The following RCOR3 variants were observed in gnomAD, a reference collection of about 807,000 sequenced individuals.
The protein encoded by RCOR3 is REST corepressor 3.
In RCOR3, 13 loss-of-function variants were observed where a neutral mutation model predicts 64.1. That is an observed-to-expected ratio of 0.20 (90% CI 0.13 to 0.32). RCOR3 has a LOEUF of 0.32. Among genes scored for constraint, RCOR3 ranks in the 10% least tolerant of loss-of-function variants. The probability of loss-of-function intolerance (pLI) is 1.00; values close to 1 mark genes in which losing one functional copy is unlikely to be tolerated. For missense variants in RCOR3, 489 were observed against 701.2 expected (o/e 0.70, Z 3.42); for synonymous variants, 215 against 239.0 (o/e 0.90, Z 0.93).
intron 3 of RCOR3, chr1:211,271,675 A>G (rs1223648159): frequency 1.3e-5 from 5 of 382,298 alleles, no homozygotes; most frequent in Non-Finnish European, 2.6e-5. Flanking sequence ...CAAAGAGCCC[A>G]CTATCATTAC....
At chr1:211,260,746 T>TGGGGGAA (rs1694113033) in intron 2 of RCOR3, among the ~76,000 whole-genome samples, 3 of 112,098 alleles carry the variant, frequency 2.7e-5, no homozygotes, top group African/African-American at 1.0e-4. Context: ...GAGAAAGGGG[T>TGGGGGAA]GGGGGAAGGG....
chr1:211,297,786 G>A (rs1362499268), intron 9 of RCOR3, among the ~76,000 whole-genome samples: 1 of 152,096 alleles, frequency 6.6e-6, no homozygotes, highest in Non-Finnish European at 1.5e-5. Flanking sequence ...GGAGAGGAAG[G>A]CAACTTGAAT....
chr1:211,267,941 T>C (rs1254405774), intron 2 of RCOR3: 2 of 314,270 alleles, frequency 6.4e-6, no homozygotes, highest in Non-Finnish European at 6.1e-6. Flanking sequence ...GTTTAATATC[T>C]CTTTGAGAAG....
intron 8 of RCOR3, 69 bp downstream of exon 8, chr1:211,289,465 G>T: frequency 1.1e-5 from 14 of 1,267,914 alleles, no homozygotes; most frequent in Non-Finnish European, 1.6e-5. Context: ...CTTTTACCTA[G>T]GTTGAGCTCA....
At chr1:211,281,301 A>G (rs1697777466) in intron 7 of RCOR3, among the ~76,000 whole-genome samples, 3 of 151,938 alleles carry the variant, frequency 2.0e-5, no homozygotes, top group South Asian at 4.2e-4. Flanking sequence ...TTCTTACTCT[A>G]TTCCTTTTAT....
At chr1:211,285,639 G>C (rs995450549) in intron 7 of RCOR3, among the ~76,000 whole-genome samples, 1 of 152,224 alleles carries the variant, frequency 6.6e-6, no homozygotes, top group South Asian at 2.1e-4. Flanking sequence ...CAAGCCCAGA[G>C]TATGGAATTT....
At chr1:211,307,791 C>T (rs17188951) in intron 10 of RCOR3, among the ~76,000 whole-genome samples, 1,918 of 151,088 alleles carry the variant, frequency 0.013, 23 homozygotes, top group Non-Finnish European at 0.015. Context: ...AAATTTTTTC[C>T]GATTGTATAA....
chr1:211,264,328 T>C (rs1206758087), intron 2 of RCOR3, among the ~76,000 whole-genome samples: 1 of 152,154 alleles, frequency 6.6e-6, no homozygotes, highest in Non-Finnish European at 1.5e-5. Context: ...GAGAGGATTT[T>C]TTACAGAGAC....
intron 9 of RCOR3, among the ~76,000 whole-genome samples, chr1:211,298,782 G>A (rs974279779): frequency 2.0e-5 from 3 of 152,094 alleles, no homozygotes; most frequent in Non-Finnish European, 4.4e-5. Context: ...CGAGGCGGGC[G>A]GATCACGAGG....
intron 2 of RCOR3, among the ~76,000 whole-genome samples, chr1:211,262,423 T>G (rs1215151727): frequency 6.6e-6 from 1 of 152,190 alleles, no homozygotes; most frequent in Admixed American, 6.5e-5. Context: ...TTATGAAGAA[T>G]TATTCTGGAT....
chr1:211,309,414 T>G (rs1701268680), intron 10 of RCOR3, among the ~76,000 whole-genome samples: 1 of 152,258 alleles, frequency 6.6e-6, no homozygotes, highest in South Asian at 2.1e-4. Flanking sequence ...ATGACTTATA[T>G]TTTTATGTTA....
At chr1:211,264,847 G>A (rs1309058504) in intron 2 of RCOR3, among the ~76,000 whole-genome samples, 1 of 152,020 alleles carries the variant, frequency 6.6e-6, no homozygotes, top group African/African-American at 2.4e-5. Context: ...TTTTCTTTCC[G>A]TTGTTCACTA....
rs1474894077 is a variant in RCOR3 at position 211,295,484 on chromosome 1, T to C, written c.940-192T>C. Among the ~76,000 whole-genome samples, 14 of 152,206 alleles carry C rather than the reference T, an allele frequency of 9.2e-5. No individual in the cohort carries two copies. The East Asian group carries it at 2.7e-3, about 29-fold the overall frequency. On this transcript the variant is annotated intron_variant, in intron 8 of 11. Coordinates refer to ENST00000419091, the MANE Select transcript of RCOR3 (RefSeq NM_001136223.3). The stretch of plus-strand genomic sequence containing the variant: ...AGATATTCAGAGTGTTTTAGTCTGT[T>C]AGATGTTTAATTAGTTCATACATGT...
At position 211,267,342 on chromosome 1, in the gene RCOR3, C is replaced by T. The variant is rs114269909; in HGVS notation, c.224-3890C>T. 3.0e-3 allele frequency among the ~76,000 whole-genome samples: 455 copies of T among 152,312 alleles called. 1 individual carries two copies. The highest frequency in any genetic ancestry group is 4.5e-3 in the Non-Finnish European group (308 of 68,034). On this transcript the variant is annotated intron_variant, in intron 2 of 11. Coordinates refer to ENST00000419091, the MANE Select transcript of RCOR3 (RefSeq NM_001136223.3). ...CATTGCACTGAAATATCCCTTACTTCCTGTATCAGTCATCTCTTGGGCCTA... is the reference window on the plus strand; with the variant it reads ...CATTGCACTGAAATATCCCTTACTTTCTGTATCAGTCATCTCTTGGGCCTA...
At chr1:211,266,413 A>C (rs750293612) in intron 2 of RCOR3, among the ~76,000 whole-genome samples, 2 of 152,198 alleles carry the variant, frequency 1.3e-5, no homozygotes, top group Non-Finnish European at 2.9e-5. Context: ...TAGTCTTATA[A>C]ATGCAAGACT....
intron 3 of RCOR3, among the ~76,000 whole-genome samples, chr1:211,272,612 CTTTTTT>C (rs768152573): frequency 3.2e-4 from 14 of 43,514 alleles, no homozygotes; most frequent in Admixed American, 1.9e-3. Context: ...GGATGTCTTA[CTTTTTT>C]TTTTTTTTTT....
intron 10 of RCOR3, among the ~76,000 whole-genome samples, chr1:211,308,687 T>TTTTTTTTTTTTTTTTTTTG (rs1701159946): frequency 4.6e-5 from 3 of 64,824 alleles, no homozygotes; most frequent in East Asian, 5.2e-4. Context: ...TTTTTTTGTT[T>TTTTTTTTTTTTTTTTTTTG]TTTTTTTTTT....
At chr1:211,265,405 A>G (rs1034670483) in intron 2 of RCOR3, among the ~76,000 whole-genome samples, 3 of 152,110 alleles carry the variant, frequency 2.0e-5, no homozygotes, top group African/African-American at 7.2e-5. Flanking sequence ...TATCATATAT[A>G]ATTTTTTTTG....
In RCOR3 at chr1:211,313,664, A is replaced by T. The variant is rs1701710902; in HGVS notation, c.1558A>T (p.Met520Leu). 1 of 1,614,012 alleles carries T rather than the reference A, an allele frequency of 6.2e-7. No homozygotes were observed. Among genetic ancestry groups the T allele is most frequent in the South Asian group, 1.1e-5 (1 of 91,090 alleles). The change falls in exon 12 of 12, where the codon ATG becomes TTG. Residue 520 changes from methionine to leucine, a missense_variant. This residue lies in a region of RCOR3 where 402 missense variants were observed against 617.0 expected (regional missense o/e 0.65). Coordinates refer to ENST00000419091, the MANE Select transcript of RCOR3 (RefSeq NM_001136223.3). This position sits in a 1 kb window ranked among gnomAD's most constrained non-coding sequence, Gnocchi z 4.7. ...PPPLIRPANS[M>L]PPRLNPRPVL... ...ACCTCTTATTCGCCCTGCTAATTCC[A>T]TGCCACCCCGTCTAAACCCAAGACC...
Sources: gnomAD v4.1 joint callset for allele counts (sites outside exome capture counted in the v4.1 genomes callset) on GRCh38, gnomAD v4.1.1 for gene constraint, gnomAD v4.1.1 regional missense constraint, Gnocchi (gnomAD v3.1) non-coding constraint, MANE v1.5 for transcripts, NCBI Gene and HGNC (gene_info 2026-07-23, HGNC 2026-07-21) for gene names.